The following ZNF507 variants were observed in gnomAD, a reference collection of about 807,000 sequenced individuals.
ZNF507 encodes zinc finger protein 507.
A neutral mutation model predicts 80.0 loss-of-function variants in ZNF507; 29 were observed. The observed-to-expected ratio is 0.36, with a 90% CI of 0.27 to 0.49. ZNF507 has a LOEUF of 0.49. Ranked by LOEUF, ZNF507 falls within the 20% of genes least tolerant of loss-of-function variation. The pLI, the probability that ZNF507 is intolerant of heterozygous loss-of-function variation, is 0.98. For synonymous variants in ZNF507, 462 were observed against 422.5 expected (o/e 1.09, Z -1.15); for missense variants, 1,081 against 1,152.2 (o/e 0.94, Z 0.90).
chr19:32,354,281 G>A lies in ZNF507; in HGVS notation c.1451G>A (p.Arg484Lys). 1 of 1,614,090 alleles carries A rather than the reference G, an allele frequency of 6.2e-7. No homozygotes were observed. Among genetic ancestry groups the A allele is most frequent in the Non-Finnish European group, 8.5e-7 (1 of 1,180,026 alleles). Residue 484 changes from arginine (R) to lysine (K), a missense_variant, in exon 3 of 7, where the codon AGG (arginine) becomes AAG (lysine). By Grantham distance (26) the Arg-to-Lys change is conservative (BLOSUM62 2). Coordinates refer to ENST00000355898, the MANE Select transcript of ZNF507 (RefSeq NM_001136156.2). ...GAGAATGCCCCACCAGGCCGGAGAAGGACAAATTCTGAGTCTCTTCGATTA... is the reference window on the plus strand; with the variant it reads ...GAGAATGCCCCACCAGGCCGGAGAAAGACAAATTCTGAGTCTCTTCGATTA... ...TDENAPPGRRRTNSESLRLHS... is the reference protein window; with the variant it reads ...TDENAPPGRRKTNSESLRLHS...
chr19:32,367,791 T>C (rs968795738), intron 5 of ZNF507, among the ~76,000 whole-genome samples: 2 of 152,162 alleles, frequency 1.3e-5, no homozygotes. Context: ...AATGACAGTT[T>C]GGAATGGAAA....
intron 5 of ZNF507, chr19:32,382,256 G>T: frequency 2.2e-6 from 1 of 451,158 alleles, no homozygotes; most frequent in Non-Finnish European, 3.9e-6. Flanking sequence ...TAATATAAAA[G>T]ACCTTCTTTC....
intron 5 of ZNF507, among the ~76,000 whole-genome samples, chr19:32,362,790 T>G (rs1967346636): frequency 6.6e-6 from 1 of 152,248 alleles, no homozygotes; most frequent in Non-Finnish European, 1.5e-5. Flanking sequence ...ACTCTCAGTC[T>G]GTTATTTTCC....
intron 5 of ZNF507, among the ~76,000 whole-genome samples, chr19:32,377,438 T>G (rs550811805): frequency 1.3e-5 from 2 of 152,330 alleles, no homozygotes; most frequent in South Asian, 4.1e-4. Context: ...GAGCAAAGAT[T>G]ATAATAGTAT....
At chr19:32,364,365 G>A (rs977595768) in intron 5 of ZNF507, among the ~76,000 whole-genome samples, 5 of 151,748 alleles carry the variant, frequency 3.3e-5, no homozygotes, top group African/African-American at 1.2e-4. Context: ...AGTTGTTGAG[G>A]TACAGGTGGT....
chr19:32,380,522 G>T, intron 5 of ZNF507: 5 of 1,330,746 alleles, frequency 3.8e-6, no homozygotes, highest in South Asian at 2.5e-5. Context: ...TTTAGTCTTT[G>T]ACCGTATTTA....
rs148996408 is a variant in ZNF507, at chr19:32,353,275, C to G, written c.445C>G (p.Gln149Glu). ...AAAAGATCATATTAAGCAACATGGT[C>G]AGCAAAATGAAGTGATACTGATGTG... ...VLKDHIKQHG[Q>E]QNEVILMCSE... is the part of the protein sequence containing the mutation. Residue 149 changes from glutamine (Q) to glutamate (E), a missense_variant, in exon 3 of 7, where the codon CAG becomes GAG. By Grantham distance (29) the Gln-to-Glu change is conservative. Around this residue, in one of 6 missense-constraint regions of ZNF507, gnomAD observed 275 missense variants for 303.9 expected, o/e 0.90. Coordinates refer to ENST00000355898, the MANE Select transcript of ZNF507 (RefSeq NM_001136156.2). The G allele has an allele frequency of 6.2e-6, 10 of 1,614,044 alleles. No homozygotes were observed. The highest frequency in any genetic ancestry group is 7.6e-6 in the Non-Finnish European group (9 of 1,180,040).
rs768619177 is a variant in ZNF507, at chr19:32,353,369, A to G, written c.539A>G (p.Asn180Ser). ...LEAHVVNDHDNDANIHTQSKA... is the reference protein window; with the variant it reads ...LEAHVVNDHDSDANIHTQSKA... ...GCCCACGTGGTGAATGACCATGACA[A>G]TGATGCCAATATCCACACCCAATCC... is the stretch of plus-strand genomic sequence containing the variant. The change falls in exon 3 of 7, where the codon AAT becomes AGT. Residue 180 changes from asparagine (N) to serine (S), a missense_variant. Asn to Ser is a conservative substitution (Grantham distance 46). Transcript: ENST00000355898. 6.2e-6 allele frequency: 10 copies of G among 1,614,164 alleles called. No homozygotes were observed. The highest frequency in any genetic ancestry group is 3.3e-5 in the South Asian group (3 of 91,078).
chr19:32,346,259 C>T (rs874514), intron 1 of ZNF507, among the ~76,000 whole-genome samples: 31,413 of 152,006 alleles, frequency 0.21, 3,632 homozygotes, highest in East Asian at 0.43. Context: ...CATTTATTAC[C>T]ATCCTCTGGA....
intron 5 of ZNF507, among the ~76,000 whole-genome samples, chr19:32,365,574 A>G (rs1599553187): frequency 6.6e-6 from 1 of 152,192 alleles, no homozygotes; most frequent in East Asian, 1.9e-4. Flanking sequence ...GAAAAGTTCC[A>G]CTCAAAATTT....
chr19:32,374,274 T>C (rs950650170), intron 5 of ZNF507, among the ~76,000 whole-genome samples: 1 of 152,152 alleles, frequency 6.6e-6, no homozygotes, highest in African/African-American at 2.4e-5. Context: ...AGTTTTTTCC[T>C]TCTTGCTAGC....
At chr19:32,356,834 T>A in intron 4 of ZNF507, 101 bp downstream of exon 4, 1 of 850,064 alleles carries the variant, frequency 1.2e-6, no homozygotes, top group Admixed American at 1.8e-5. Context: ...AAGCCTATAT[T>A]CTCCTCCATT....
chr19:32,362,236 G>A (rs1211109744), intron 5 of ZNF507, among the ~76,000 whole-genome samples: 2 of 152,190 alleles, frequency 1.3e-5, no homozygotes, highest in Non-Finnish European at 2.9e-5. Context: ...ATTTATACTG[G>A]GAAATGTTTA....
intron 4 of ZNF507, chr19:32,357,708 C>G (rs1342035369): frequency 6.6e-6 from 1 of 152,160 alleles, no homozygotes; most frequent in Non-Finnish European, 1.5e-5. Context: ...TGAGCTAAAA[C>G]AGTTTTGTTT....
Position 32,353,214 on chromosome 19 carries a change from C to T in ZNF507, c.384C>T (p.Ser128=), listed in dbSNP as rs778200806. The T allele has an allele frequency of 1.9e-6, 3 of 1,614,042 alleles. No individual in the cohort carries two copies. Among genetic ancestry groups the T allele is most frequent in the African/African-American group, 1.3e-5 (1 of 74,898 alleles). Residue 128 remains serine (S), a synonymous_variant, in exon 3 of 7, where the codon AGC becomes AGT. Transcript: ENST00000355898. Reference sequence around the variant, plus strand: ...GGAAGGCTATGTCTTATCAGTGTAGCCTTTGTAAGTTTCTATCATCATCCT... The same window carrying T: ...GGAAGGCTATGTCTTATCAGTGTAGTCTTTGTAAGTTTCTATCATCATCCT... The part of the protein sequence containing the change: ...NEGKAMSYQC[S]LCKFLSSSFS...
intron 5 of ZNF507, among the ~76,000 whole-genome samples, chr19:32,381,658 A>G (rs1219951087): frequency 6.6e-6 from 1 of 152,150 alleles, no homozygotes; most frequent in Non-Finnish European, 1.5e-5. Context: ...ATTGTACAAC[A>G]CAAATAGTGG....
intron 5 of ZNF507, among the ~76,000 whole-genome samples, chr19:32,369,158 A>C (rs1323569876): frequency 6.6e-6 from 1 of 152,182 alleles, no homozygotes; most frequent in Non-Finnish European, 1.5e-5. Flanking sequence ...GCTTCTTTGC[A>C]TTGGGAAGAA....
rs995127809 is a variant in ZNF507 at position 32,354,777 on chromosome 19, A to C, written c.1947A>C (p.Thr649=). 3.7e-6 allele frequency: 6 copies of C among 1,614,202 alleles called. No homozygotes were observed. The highest frequency in any genetic ancestry group is 5.1e-6 in the Non-Finnish European group (6 of 1,180,040). ...RPYRCRLCHY[T]SGNKGYIKQH... is the part of the protein sequence containing the mutation. ...ACCGTTGCCGCCTGTGTCACTACAC[A>C]AGTGGCAACAAGGGCTACATCAAGC... Residue 649 remains threonine, a synonymous_variant, in exon 3 of 7, where the codon ACA becomes ACC. Transcript: ENST00000355898.
intron 5 of ZNF507, among the ~76,000 whole-genome samples, chr19:32,373,220 G>T (rs762729150): frequency 4.8e-4 from 73 of 151,976 alleles, no homozygotes; most frequent in South Asian, 1.0e-3. Context: ...AATTTCGGGG[G>T]GGGCACATAC....
Sources: allele counts gnomAD v4.1 joint callset (sites outside exome capture counted in the v4.1 genomes callset), GRCh38; gene constraint gnomAD v4.1.1; regional missense constraint gnomAD v4.1.1; transcripts MANE v1.5; gene names NCBI Gene and HGNC (gene_info 2026-07-23, HGNC 2026-07-21).